RGS7: variants seen among roughly 807,000 people sequenced by gnomAD.
RGS7 encodes the protein regulator of G-protein signaling 7.
RGS7 carries 27 observed loss-of-function variants against 81.1 expected under a neutral mutation model. The observed-to-expected ratio is 0.33, with a 90% CI of 0.25 to 0.46. The LOEUF is 0.46. RGS7 is among the 20% of genes least tolerant of loss of function. The pLI, the probability that RGS7 is intolerant of heterozygous loss-of-function variation, is 1.00. For missense variants in RGS7, 396 were observed against 607.4 expected (o/e 0.65, Z 3.66); for synonymous variants, 208 against 207.7 (o/e 1.00, Z -0.01).
At chr1:241,180,238 G>T (rs767762615) in intron 2 of RGS7, among the ~76,000 whole-genome samples, 71 of 152,236 alleles carry the variant, frequency 4.7e-4, no homozygotes, top group Admixed American at 2.5e-3. Context: ...AGCCGGGCCT[G>T]GTGGCGGGTG....
chr1:241,152,255 A>C (rs2068808966), intron 2 of RGS7, among the ~76,000 whole-genome samples: 1 of 152,328 alleles, frequency 6.6e-6, no homozygotes, highest in South Asian at 2.1e-4. Context: ...CTCTGGAACA[A>C]CAACAACAAA....
intron 10 of RGS7, among the ~76,000 whole-genome samples, chr1:240,822,166 T>C (rs1432485190): frequency 6.6e-6 from 1 of 152,210 alleles, no homozygotes; most frequent in African/African-American, 2.4e-5. Flanking sequence ...AAGTCCTTAA[T>C]AGAACAAAGG....
At chr1:241,123,029 C>T (rs574794203) in intron 2 of RGS7, among the ~76,000 whole-genome samples, 2 of 152,298 alleles carry the variant, frequency 1.3e-5, no homozygotes, top group East Asian at 1.9e-4. Context: ...ATTTCCTGCT[C>T]TTGTGCAATC....
chr1:240,905,837 A>C (rs1343510792), intron 6 of RGS7, among the ~76,000 whole-genome samples: 1 of 152,070 alleles, frequency 6.6e-6, no homozygotes, highest in Non-Finnish European at 1.5e-5. Context: ...CAGGGATCTC[A>C]CCTCTAATCC....
In RGS7 at chr1:240,956,256, G is replaced by C. The variant is rs114402276; in HGVS notation, c.227-19550C>G. On this transcript the variant is annotated intron_variant, in intron 4 of 18. Transcript: ENST00000440928. ...TGCCCTATCTGCCTTTCCTGTGGAA[G>C]AGAAGCAGGAGCCAACTCCAAGAGT... Among the ~76,000 whole-genome samples the C allele has an allele frequency of 2.4e-3, 368 of 151,924 alleles. 1 individual carries two copies. Among genetic ancestry groups the C allele is most frequent in the African/African-American group, 8.4e-3 (349 of 41,416 alleles).
intron 2 of RGS7, among the ~76,000 whole-genome samples, chr1:241,199,685 GAAA>G (rs35238658): frequency 7.2e-6 from 1 of 138,298 alleles, no homozygotes. Flanking sequence ...GTGGCTTCCA[GAAA>G]AAAAAAAAAA....
At chr1:240,794,693 G>C (rs1313646939) in intron 18 of RGS7, among the ~76,000 whole-genome samples, 22 of 152,186 alleles carry the variant, frequency 1.4e-4, no homozygotes. Flanking sequence ...GACTGCCCAA[G>C]TAGATTTGAC....
At chr1:240,823,091 G>C in intron 10 of RGS7, 1 of 870,810 alleles carries the variant, frequency 1.1e-6, no homozygotes, top group Non-Finnish European at 1.9e-6. Flanking sequence ...GCTGAAATAA[G>C]TGAGTCTAAA....
chr1:240,784,672 G>GA (rs1209010222), intron 18 of RGS7, among the ~76,000 whole-genome samples: 2 of 132,964 alleles, frequency 1.5e-5, no homozygotes, highest in Non-Finnish European at 3.2e-5. Flanking sequence ...TTTTTTTTTT[G>GA]AAAAAAAATT....
At chr1:241,039,972 C>A (rs1318461237) in intron 3 of RGS7, among the ~76,000 whole-genome samples, 1 of 152,228 alleles carries the variant, frequency 6.6e-6, no homozygotes, top group East Asian at 1.9e-4. Context: ...ACACCCACAA[C>A]TGGTTTAATA....
chr1:241,172,996 C>A (rs995566001), intron 2 of RGS7, among the ~76,000 whole-genome samples: 1 of 152,154 alleles, frequency 6.6e-6, no homozygotes, highest in African/African-American at 2.4e-5. Flanking sequence ...AAGCATAGAG[C>A]AGCTATTGCA....
chr1:241,301,075 A>C (rs190790809), intron 2 of RGS7, among the ~76,000 whole-genome samples: 2 of 152,340 alleles, frequency 1.3e-5, no homozygotes, highest in Admixed American at 1.3e-4. Flanking sequence ...TCTATGCCAA[A>C]GCCCAAGTCC....
chr1:241,235,962 G>C (rs6656745), intron 2 of RGS7, among the ~76,000 whole-genome samples: 43,705 of 117,960 alleles, frequency 0.37, 6,528 homozygotes, highest in African/African-American at 0.43. Context: ...GGAGAGGAGA[G>C]AGTAAGAGTT....
chr1:240,921,036 G>C (rs1474584368), intron 6 of RGS7, among the ~76,000 whole-genome samples: 11 of 152,018 alleles, frequency 7.2e-5, no homozygotes, highest in Non-Finnish European at 1.5e-4. Context: ...AATTCCTTCA[G>C]GGTGATGCCA....
At chr1:240,894,638 A>AT (rs555533855) in intron 6 of RGS7, among the ~76,000 whole-genome samples, 19 of 150,488 alleles carry the variant, frequency 1.3e-4, no homozygotes, top group Non-Finnish European at 1.9e-4. Flanking sequence ...ATTTTTCCTG[A>AT]TTTTTTTTTC....
Position 240,929,932 on chromosome 1 carries a change from C to T in RGS7, c.385+785G>A, listed in dbSNP as rs138138363. ...GTATAATCCTATTTTCCCATCTAGC[C>T]TGTGAGCTACCCAATGGTGTCAATG... On this transcript the variant is annotated intron_variant, in intron 6 of 18. Coordinates refer to ENST00000440928, the MANE Select transcript of RGS7 (RefSeq NM_001364886.1). Among the ~76,000 whole-genome samples, 1,075 of 152,326 alleles carry T rather than the reference C, an allele frequency of 7.1e-3. 10 individuals carry two copies. The highest frequency in any genetic ancestry group is 0.014 in the Middle Eastern group (4 of 294).
intron 3 of RGS7, among the ~76,000 whole-genome samples, chr1:241,006,116 G>A (rs1205055109): frequency 1.3e-5 from 2 of 148,540 alleles, no homozygotes; most frequent in Non-Finnish European, 3.0e-5. Context: ...AAGTTAGAAG[G>A]TTAGGATAAA....
At chr1:240,999,761 C>A (rs542071708) in intron 3 of RGS7, among the ~76,000 whole-genome samples, 1 of 117,040 alleles carries the variant, frequency 8.5e-6, no homozygotes, top group African/African-American at 3.7e-5. Flanking sequence ...CCACCACGCT[C>A]GGCTAATTTT....
chr1:241,248,188 T>C (rs1374589439), intron 2 of RGS7, among the ~76,000 whole-genome samples: 1 of 152,050 alleles, frequency 6.6e-6, no homozygotes, highest in Non-Finnish European at 1.5e-5. Flanking sequence ...TCTTGAAGCC[T>C]ATTTTGATAT....
Sources: allele counts gnomAD v4.1 joint callset (sites outside exome capture counted in the v4.1 genomes callset), GRCh38; gene constraint gnomAD v4.1.1; transcripts MANE v1.5; gene names NCBI Gene and HGNC (gene_info 2026-07-23, HGNC 2026-07-21).